The following COL4A5 variants were observed in gnomAD, a reference collection of about 807,000 sequenced individuals.
The protein encoded by COL4A5 is collagen alpha-5(IV) chain.
Under a neutral mutation model 130.2 loss-of-function variants are expected in COL4A5, and 26 were observed. The ratio of observed to expected loss-of-function variants is 0.20; its 90% CI spans 0.15 to 0.28. COL4A5 has a LOEUF of 0.28. Ranked by LOEUF, COL4A5 falls within the 10% of genes least tolerant of loss-of-function variation. The pLI, the probability that COL4A5 is intolerant of heterozygous loss-of-function variation, is 1.00. For synonymous variants in COL4A5, 496 were observed against 439.6 expected (o/e 1.13, Z -1.60); for missense variants, 1,131 against 1,344.3 (o/e 0.84, Z 2.48).
chrX:108,647,189 A>G (rs1417088849), intron 36 of COL4A5, among the ~76,000 whole-genome samples: 3 of 110,541 alleles, frequency 2.7e-5, no homozygotes, highest in Non-Finnish European at 5.7e-5. Context: ...CCATTTTCAC[A>G]ATATTGATTC....
intron 36 of COL4A5, among the ~76,000 whole-genome samples, chrX:108,633,479 A>T (rs1417098162): frequency 9.0e-6 from 1 of 111,054 alleles, no homozygotes; most frequent in African/African-American, 3.3e-5. Flanking sequence ...TCAATTCTTT[A>T]TTCACTGATA....
At chrX:108,483,454 G>A (rs999948096) in intron 1 of COL4A5, among the ~76,000 whole-genome samples, 1 of 111,135 alleles carries the variant, frequency 9.0e-6, no homozygotes, top group Non-Finnish European at 1.9e-5. Context: ...AGGTTTTTCT[G>A]CCTGCTTTAT....
intron 29 of COL4A5, among the ~76,000 whole-genome samples, chrX:108,611,999 T>A (rs192461938): frequency 9.0e-6 from 1 of 111,686 alleles, no homozygotes; most frequent in Non-Finnish European, 1.9e-5. Flanking sequence ...TTTGACATTT[T>A]AAAATCAATG....
intron 36 of COL4A5, among the ~76,000 whole-genome samples, chrX:108,644,934 A>G (rs1037380673): frequency 2.4e-4 from 26 of 109,438 alleles, no homozygotes; most frequent in African/African-American, 7.9e-4. Context: ...AAAAAAAAAA[A>G]AAAGAAAGCA....
chrX:108,532,650 C>A (rs1213784956), intron 1 of COL4A5, among the ~76,000 whole-genome samples: 4 of 111,158 alleles, frequency 3.6e-5, no homozygotes, highest in Admixed American at 1.9e-4. Context: ...CCCCTCTTTA[C>A]CGATATATCT....
Position 108,624,323 on chromosome X carries a change from C to T in COL4A5, c.3005C>T (p.Pro1002Leu). The T allele has an allele frequency of 8.3e-7, 1 of 1,200,472 alleles. No homozygotes were observed. Among genetic ancestry groups the T allele is most frequent in the East Asian group, 3.0e-5 (1 of 33,752 alleles). ...GGACTGAGTGGACAACCTGGATTACCAGGACCACCAGGTAAGTGTGATAGG... is the reference window on the plus strand; with the variant it reads ...GGACTGAGTGGACAACCTGGATTACTAGGACCACCAGGTAAGTGTGATAGG... The part of the protein sequence containing the change: ...QPGLSGQPGL[P>L]GPPGPKGNPG... Residue 1002 changes from proline to leucine, a missense_variant, in exon 34 of 53, where the codon CCA (proline) becomes CTA (leucine). Coordinates refer to ENST00000328300, the MANE Select transcript of COL4A5 (RefSeq NM_033380.3).
chrX:108,609,263 T>C (rs1165093892), intron 29 of COL4A5, among the ~76,000 whole-genome samples: 1 of 111,904 alleles, frequency 8.9e-6, no homozygotes, highest in African/African-American at 3.2e-5. Flanking sequence ...GGTTCAGAAA[T>C]TTGCATTGTT....
intron 42 of COL4A5, among the ~76,000 whole-genome samples, chrX:108,672,744 AG>A: frequency 8.9e-6 from 1 of 111,918 alleles, no homozygotes; most frequent in Non-Finnish European, 1.9e-5. Flanking sequence ...CTAATTACTC[AG>A]GCTGAAATGT....
chrX:108,666,762 A>G (rs2147955668), intron 39 of COL4A5, among the ~76,000 whole-genome samples, 168 bp downstream of exon 39: 1 of 111,656 alleles, frequency 9.0e-6, no homozygotes, highest in African/African-American at 3.3e-5. Flanking sequence ...CTATTAGCTC[A>G]TGTATCTTGA....
At chrX:108,655,759 A>G (rs2067828577) in intron 37 of COL4A5, among the ~76,000 whole-genome samples, 1 of 112,469 alleles carries the variant, frequency 8.9e-6, no homozygotes, top group Non-Finnish European at 1.9e-5. Flanking sequence ...CTATTTTTGT[A>G]GGTAATAATA....
chrX:108,552,406 C>T (rs1418566621), intron 2 of COL4A5, among the ~76,000 whole-genome samples: 2 of 111,283 alleles, frequency 1.8e-5, no homozygotes, highest in Non-Finnish European at 3.8e-5. Context: ...AAGACATCTG[C>T]TTTTGTTTTT....
At position 108,657,264 on chromosome X, in the gene COL4A5, G is replaced by T. The variant is rs778653760; in HGVS notation, c.3373+1807G>T. On this transcript the variant is annotated intron_variant, in intron 37 of 52. Coordinates refer to ENST00000328300, the MANE Select transcript of COL4A5 (RefSeq NM_033380.3). Reference sequence around the variant, plus strand: ...TATTTTTTTTTTAAAGAACCTAAACGCATCCAATAAATTACAGTCACACCT... The same window carrying T: ...TATTTTTTTTTTAAAGAACCTAAACTCATCCAATAAATTACAGTCACACCT... Among the ~76,000 whole-genome samples, 3 of 110,199 alleles carry T rather than the reference G, an allele frequency of 2.7e-5. No individual in the cohort carries two copies. The South Asian group carries it at 1.1e-3, about 41-fold the overall frequency.
chrX:108,584,574 A>G (rs752662502), intron 18 of COL4A5, 49 bp downstream of exon 18: 1 of 1,070,956 alleles, frequency 9.3e-7, no homozygotes, highest in South Asian at 2.0e-5. Flanking sequence ...TTAATGCATT[A>G]TCATTTTTGT....
At chrX:108,504,832 G>T (rs1396694489) in intron 1 of COL4A5, among the ~76,000 whole-genome samples, 1 of 112,130 alleles carries the variant, frequency 8.9e-6, no homozygotes, top group Non-Finnish European at 1.9e-5. Context: ...ACAGTAGGGA[G>T]ATTTCTCAAA....
intron 37 of COL4A5, among the ~76,000 whole-genome samples, chrX:108,658,787 ATTTC>A (rs941736286): frequency 2.0e-4 from 22 of 110,864 alleles, no homozygotes; most frequent in African/African-American, 6.5e-4. Flanking sequence ...AAGTAATTTT[ATTTC>A]TTTATTTTGA....
chrX:108,448,010 T>C (rs2064471817), intron 1 of COL4A5, among the ~76,000 whole-genome samples: 1 of 111,788 alleles, frequency 8.9e-6, no homozygotes, highest in Admixed American at 9.5e-5. Flanking sequence ...TTTATGCAAC[T>C]TGAACTTATT....
intron 37 of COL4A5, among the ~76,000 whole-genome samples, chrX:108,657,263 C>G (rs192763830): frequency 9.0e-6 from 1 of 110,707 alleles, no homozygotes; most frequent in African/African-American, 3.3e-5. Context: ...AGAACCTAAA[C>G]GCATCCAATA....
At chrX:108,624,987 T>C (rs991512807) in intron 34 of COL4A5, among the ~76,000 whole-genome samples, 4 of 112,084 alleles carry the variant, frequency 3.6e-5, no homozygotes, top group Non-Finnish European at 7.5e-5. Context: ...CCATACTACA[T>C]GGCCTTGATA....
intron 2 of COL4A5, among the ~76,000 whole-genome samples, chrX:108,546,647 T>A (rs1465308461): frequency 2.7e-5 from 3 of 111,330 alleles, no homozygotes; most frequent in Non-Finnish European, 5.7e-5. Flanking sequence ...TGAATTTGAA[T>A]GTTGGCCTGC....
Sources: allele counts gnomAD v4.1 joint callset (sites outside exome capture counted in the v4.1 genomes callset), GRCh38; gene constraint gnomAD v4.1.1; transcripts MANE v1.5; gene names NCBI Gene and HGNC (gene_info 2026-07-23, HGNC 2026-07-21).